MAGI3: variants seen among roughly 807,000 people sequenced by gnomAD.
MAGI3 encodes the protein membrane associated guanylate kinase, WW and PDZ domain containing 3.
MAGI3 carries 43 observed loss-of-function variants against 121.8 expected under a neutral mutation model. That is an observed-to-expected ratio of 0.35 (90% CI 0.28 to 0.46). The LOEUF is 0.46. Ranked by LOEUF, MAGI3 falls within the 20% of genes least tolerant of loss-of-function variation. MAGI3 has a pLI of 1.00. For missense variants in MAGI3, 1,547 were observed against 1,797.3 expected (o/e 0.86, Z 2.52); for synonymous variants, 553 against 639.3 (o/e 0.86, Z 2.04).
chr1:113,557,406 G>C (rs983192546), intron 2 of MAGI3, among the ~76,000 whole-genome samples: 5 of 152,234 alleles, frequency 3.3e-5, no homozygotes, highest in African/African-American at 1.2e-4. Flanking sequence ...ATGGGCAGAA[G>C]TGGTTCTCCA....
chr1:113,678,770 A>G (rs1222368322), intron 19 of MAGI3, among the ~76,000 whole-genome samples: 1 of 152,238 alleles, frequency 6.6e-6, no homozygotes, highest in Non-Finnish European at 1.5e-5. Context: ...ATGAGACCAC[A>G]ACACTAGAAA....
chr1:113,438,235 T>C (rs1653735113), intron 1 of MAGI3, among the ~76,000 whole-genome samples: 1 of 152,140 alleles, frequency 6.6e-6, no homozygotes, highest in African/African-American at 2.4e-5. Flanking sequence ...CTCCAACTGT[T>C]CCTATTTACT....
chr1:113,456,265 C>T (rs928721273), intron 1 of MAGI3, among the ~76,000 whole-genome samples: 3 of 151,772 alleles, frequency 2.0e-5, no homozygotes, highest in Non-Finnish European at 4.4e-5. Context: ...ACGCCCGGCC[C>T]CATTTTTTCT....
intron 6 of MAGI3, among the ~76,000 whole-genome samples, chr1:113,601,749 G>A (rs1367678471): frequency 6.9e-6 from 1 of 144,338 alleles, no homozygotes; most frequent in African/African-American, 2.6e-5. Context: ...TATAAATCAT[G>A]CTGCTATAAA....
chr1:113,652,441 C>A (rs983428929), intron 14 of MAGI3, among the ~76,000 whole-genome samples: 4 of 152,112 alleles, frequency 2.6e-5, no homozygotes, highest in African/African-American at 9.7e-5. Context: ...AAGTAAAGGC[C>A]TGCCTCCTTT....
rs77333360 is a variant in MAGI3 at position 113,507,497 on chromosome 1, C to T, written c.317-42018C>T. 9.3e-3 allele frequency among the ~76,000 whole-genome samples: 1,409 copies of T among 152,286 alleles called. 10 individuals carry two copies. Among genetic ancestry groups the T allele is most frequent in the Non-Finnish European group, 0.014 (969 of 68,020 alleles). On this transcript the variant is annotated intron_variant, in intron 1 of 20. Coordinates refer to ENST00000307546, the MANE Select transcript of MAGI3 (RefSeq NM_001142782.2). ...TGTAAATCTAACCTTTTCTCTTATA[C>T]TTCCAAGTTTGAATATCCTGTTGAT... is the stretch of plus-strand genomic sequence containing the variant.
At position 113,683,368 on chromosome 1, in the gene MAGI3, A is replaced by G. The variant is rs185181782; in HGVS notation, c.3800A>G (p.Gln1267Arg). The part of the protein sequence containing the change: ...SPSKGENKSC[Q>R]VSTRAGSGQD... Reference sequence around the variant, plus strand: ...AGCAAAGGGGAAAATAAAAGTTGTCAGGTCAGCACCAGGGCAGGCTCTGGA... The same window carrying G: ...AGCAAAGGGGAAAATAAAAGTTGTCGGGTCAGCACCAGGGCAGGCTCTGGA... Residue 1267 changes from glutamine to arginine, a missense_variant, in exon 21 of 21, where the codon CAG becomes CGG. By Grantham distance (43) the Gln-to-Arg change is conservative (BLOSUM62 1). Transcript: ENST00000307546. The G allele has an allele frequency of 6.2e-7, 1 of 1,614,056 alleles. No homozygotes were observed. Among genetic ancestry groups the G allele is most frequent in the African/African-American group, 1.3e-5 (1 of 75,066 alleles).
intron 2 of MAGI3, among the ~76,000 whole-genome samples, chr1:113,573,116 AG>A (rs1360610285): frequency 4.6e-5 from 7 of 151,994 alleles, no homozygotes; most frequent in African/African-American, 1.7e-4. Context: ...TAGTAGAGAC[AG>A]GGTTTCACCG....
At chr1:113,398,034 A>C (rs1348407036) in intron 1 of MAGI3, among the ~76,000 whole-genome samples, 1 of 152,156 alleles carries the variant, frequency 6.6e-6, no homozygotes. Flanking sequence ...TTCTTCCCTG[A>C]ACCCTAGCAA....
rs573996727 is a variant in MAGI3, at chr1:113,417,623, A to G, written c.316+26274A>G. On this transcript the variant is annotated intron_variant, in intron 1 of 20. Transcript: ENST00000307546. ...TCCCTCCTCCCCTATCCTTTTTCCC[A>G]TTTAATTTTCTGCCTAAAATCAGTT... 4.6e-5 allele frequency among the ~76,000 whole-genome samples: 7 copies of G among 152,162 alleles called. No homozygotes were observed. In the East Asian group the frequency reaches 7.7e-4, roughly 17 times the overall value.
At position 113,683,937 on chromosome 1, in the gene MAGI3, A is replaced by T. The variant is rs1180116821; in HGVS notation, c.4369A>T (p.Ile1457Leu). Residue 1457 changes from isoleucine to leucine, a missense_variant, in exon 21 of 21, where the codon ATA (isoleucine) becomes TTA (leucine). Transcript: ENST00000307546. ...CAGTTCTCCAGTTAAGAAAACACTG[A>T]TAACTCCAGGGCCCTGGAAGGTTCC... ...ESSSPVKKTL[I>L]TPGPWKVPSG... The T allele has an allele frequency of 5.6e-6, 9 of 1,610,116 alleles. No homozygotes were observed. The East Asian group carries it at 2.0e-4, about 36-fold the overall frequency.
At chr1:113,625,229 A>G (rs1480359883) in intron 9 of MAGI3, among the ~76,000 whole-genome samples, 1 of 152,170 alleles carries the variant, frequency 6.6e-6, no homozygotes, top group Non-Finnish European at 1.5e-5. Flanking sequence ...ATTTCTGTGA[A>G]GAATGTCATT....
At chr1:113,646,720 C>A in intron 12 of MAGI3, 78 bp downstream of exon 12, 1 of 1,115,538 alleles carries the variant, frequency 9.0e-7, no homozygotes, top group Non-Finnish European at 1.2e-6. Context: ...ACCTTCCCAT[C>A]TTTCAGAAGC....
At chr1:113,433,964 A>AT (rs555541207) in intron 1 of MAGI3, among the ~76,000 whole-genome samples, 1 of 152,008 alleles carries the variant, frequency 6.6e-6, no homozygotes, top group Non-Finnish European at 1.5e-5. Flanking sequence ...CCTGGATGTG[A>AT]TTTTTTAAAA....
chr1:113,530,860 A>C (rs1658682973), intron 1 of MAGI3, among the ~76,000 whole-genome samples: 1 of 152,116 alleles, frequency 6.6e-6, no homozygotes, highest in African/African-American at 2.4e-5. Flanking sequence ...AGGCTGCCGT[A>C]AGCTGTGATT....
In MAGI3 at chr1:113,616,323, C is replaced by T. The variant is rs574018503; in HGVS notation, c.1076+1665C>T. ...AGACTAAGAAGGAGCAGACTGTACT[C>T]AAGATGCACATTAGTATGGAGTCAG... On this transcript the variant is annotated intron_variant, in intron 7 of 20. Transcript: ENST00000307546. 5.3e-5 allele frequency among the ~76,000 whole-genome samples: 8 copies of T among 152,304 alleles called. No individual in the cohort carries two copies. In the South Asian group the frequency reaches 1.7e-3, roughly 32 times the overall value.
At chr1:113,526,258 A>G (rs1658442602) in intron 1 of MAGI3, among the ~76,000 whole-genome samples, 1 of 152,156 alleles carries the variant, frequency 6.6e-6, no homozygotes, top group South Asian at 2.1e-4. Context: ...ATGTGGGTAT[A>G]TGTGATGAGG....
chr1:113,533,609 A>G (rs192572931), intron 1 of MAGI3, among the ~76,000 whole-genome samples: 246 of 152,238 alleles, frequency 1.6e-3, no homozygotes, highest in African/African-American at 5.8e-3. Flanking sequence ...AATAAAGATA[A>G]AAAGATAGAT....
chr1:113,555,986 G>A (rs1440214193), intron 2 of MAGI3, among the ~76,000 whole-genome samples: 1 of 152,088 alleles, frequency 6.6e-6, no homozygotes, highest in African/African-American at 2.4e-5. Context: ...AAATCACAAA[G>A]GAGATTACAA....
Sources: allele counts gnomAD v4.1 joint callset (sites outside exome capture counted in the v4.1 genomes callset), GRCh38; gene constraint gnomAD v4.1.1; transcripts MANE v1.5; gene names NCBI Gene and HGNC (gene_info 2026-07-23, HGNC 2026-07-21).